Variants in HHLA2 observed in about 807,000 individuals in gnomAD.
The protein encoded by HHLA2 is HERV-H LTR-associating protein 2.
Under a neutral mutation model 45.9 loss-of-function variants are expected in HHLA2, and 48 were observed. That is an observed-to-expected ratio of 1.05 (90% CI 0.83 to 1.33). The LOEUF is 1.33. Ranked by LOEUF, HHLA2 falls within the 40% of genes most tolerant of loss-of-function variation. HHLA2 has a pLI of 0.00. For missense variants in HHLA2, 462 were observed against 494.3 expected, an observed-to-expected ratio of 0.93 and a Z score of 0.62; for synonymous variants, 161 against 173.9, an observed-to-expected ratio of 0.93 and a Z score of 0.59.
intron 3 of HHLA2, among the ~76,000 whole-genome samples, chr3:108,337,810 A>G (rs1050612738): frequency 6.6e-6 from 1 of 152,066 alleles, no homozygotes; most frequent in Non-Finnish European, 1.5e-5. Flanking sequence ...GTGCTTGGTC[A>G]TTCTTCCTTG....
At chr3:108,303,827 T>C (rs1310571457) in intron 1 of HHLA2, among the ~76,000 whole-genome samples, 2 of 152,162 alleles carry the variant, frequency 1.3e-5, no homozygotes, top group Admixed American at 1.3e-4. Context: ...GATTTTTTTT[T>C]CTCATTTTGT....
rs150776092 is a variant in HHLA2 at position 108,364,074 on chromosome 3, T to C, written c.1108+1628T>C. On this transcript the variant is annotated intron_variant, in intron 8 of 10. Coordinates refer to ENST00000619531, the Ensembl canonical transcript of HHLA2. ...ATGTGCCCTGGTGGTTTGCTGCACC[T>C]ATCAACCTGTCATCTAGGTTTTAAG... Among the ~76,000 whole-genome samples, 416 of 152,152 alleles carry C rather than the reference T, an allele frequency of 2.7e-3. 3 individuals are homozygous for C. The highest frequency in any genetic ancestry group is 9.6e-3 in the African/African-American group (399 of 41,518).
intron 1 of HHLA2, among the ~76,000 whole-genome samples, chr3:108,297,897 G>A (rs2080788916): frequency 6.6e-6 from 1 of 152,212 alleles, no homozygotes; most frequent in African/African-American, 2.4e-5. Context: ...AGGTCACGTA[G>A]TACAGCATTA....
Position 108,358,447 on chromosome 3 carries a change from C to T in HHLA2, c.1003+286C>T, listed in dbSNP as rs115563078. ...GATGACTCCATGCGCTGAGCATCTTCCATTTCTGCTCACTGCTGTGCCTAA... is the reference window on the plus strand; with the variant it reads ...GATGACTCCATGCGCTGAGCATCTTTCATTTCTGCTCACTGCTGTGCCTAA... On this transcript the variant is annotated intron_variant, in intron 7 of 10. Coordinates refer to ENST00000619531, the Ensembl canonical transcript of HHLA2. 9.5e-3 allele frequency among the ~76,000 whole-genome samples: 1,444 copies of T among 152,220 alleles called. 17 individuals carry two copies. Among genetic ancestry groups the T allele is most frequent in the African/African-American group, 0.032 (1,345 of 41,530 alleles).
exon 11 of HHLA2, chr3:108,377,575 A>T (rs2082296121): frequency 3.1e-6 from 1 of 324,070 alleles, no homozygotes; most frequent in Non-Finnish European, 5.8e-6. Flanking sequence ...TCAGCCCAGG[A>T]GGTTACAGTG....
rs1374126810 is a variant in HHLA2, at chr3:108,319,715, G to A, written c.-104-8555G>A. Among the ~76,000 whole-genome samples the A allele has an allele frequency of 2.0e-5, 3 of 152,214 alleles. No homozygotes were observed. In the East Asian group the frequency reaches 5.8e-4, roughly 29 times the overall value. Reference sequence around the variant, plus strand: ...CTATCATACTCCTATTAATGCAAGAGCAGATGTGCTTGTACATTTTTCCAA... The same window carrying A: ...CTATCATACTCCTATTAATGCAAGAACAGATGTGCTTGTACATTTTTCCAA... On this transcript the variant is annotated intron_variant, in intron 2 of 10. Coordinates refer to ENST00000619531, the Ensembl canonical transcript of HHLA2.
intron 3 of HHLA2, among the ~76,000 whole-genome samples, chr3:108,334,625 C>CA (rs1485751771): frequency 6.6e-6 from 1 of 152,202 alleles, no homozygotes; most frequent in Non-Finnish European, 1.5e-5. Context: ...TTATATCCCA[C>CA]AAGGCCTATT....
chr3:108,376,874 A>G, intron 10 of HHLA2: 1 of 342,826 alleles, frequency 2.9e-6, no homozygotes. Context: ...GAAGCATGAA[A>G]CATGGGATTG....
At chr3:108,300,613 T>TG (rs1229695439) in intron 1 of HHLA2, among the ~76,000 whole-genome samples, 4 of 152,126 alleles carry the variant, frequency 2.6e-5, no homozygotes, top group Non-Finnish European at 5.9e-5. Context: ...AGGTCAGGCC[T>TG]GAAACATCTA....
chr3:108,357,881 C>G, exon 7 of HHLA2: 1 of 1,613,278 alleles, frequency 6.2e-7, no homozygotes, highest in Non-Finnish European at 8.5e-7. Context: ...ACGTTTCACT[C>G]TCATGTCAAC....
At chr3:108,364,039 A>G (rs1338338619) in intron 8 of HHLA2, among the ~76,000 whole-genome samples, 1 of 151,566 alleles carries the variant, frequency 6.6e-6, no homozygotes, top group Non-Finnish European at 1.5e-5. Context: ...GGTTTGTTAC[A>G]TAGGTATACA....
At chr3:108,321,942 T>C (rs2107347613) in intron 2 of HHLA2, among the ~76,000 whole-genome samples, 1 of 152,334 alleles carries the variant, frequency 6.6e-6, no homozygotes, top group Admixed American at 6.5e-5. Context: ...ATTCTGTTCC[T>C]TTTTTATGAA....
At chr3:108,307,181 A>G (rs186951823) in intron 1 of HHLA2, among the ~76,000 whole-genome samples, 166 of 152,220 alleles carry the variant, frequency 1.1e-3, no homozygotes, top group African/African-American at 3.9e-3. Flanking sequence ...GCTTACCTTT[A>G]TTCCTTTTTA....
At chr3:108,323,667 A>C (rs759515593) in intron 2 of HHLA2, among the ~76,000 whole-genome samples, 4 of 152,176 alleles carry the variant, frequency 2.6e-5, no homozygotes, top group African/African-American at 4.8e-5. Context: ...ATTCTGGTCT[A>C]AACTACTTGT....
chr3:108,359,270 G>A (rs1261517048), intron 7 of HHLA2, among the ~76,000 whole-genome samples: 1 of 151,840 alleles, frequency 6.6e-6, no homozygotes, highest in African/African-American at 2.4e-5. Context: ...CACACAAAGT[G>A]AAACATCAGG....
chr3:108,318,311 T>C (rs1019740458), intron 2 of HHLA2, among the ~76,000 whole-genome samples: 1 of 152,190 alleles, frequency 6.6e-6, no homozygotes, highest in Admixed American at 6.5e-5. Context: ...TAACTTTTCA[T>C]GGAGGGTATA....
rs866826728 is a variant in HHLA2 at position 108,308,069 on chromosome 3, A to T, written c.-191-2586A>T. On this transcript the variant is annotated intron_variant, in intron 1 of 10. Transcript: ENST00000619531. ...AATGTGCAATTATGTTATTGATTAT[A>T]GTCACTCTGTTGTGCTACCACATAA... Among the ~76,000 whole-genome samples the T allele has an allele frequency of 3.4e-4, 52 of 152,318 alleles. No individual in the cohort carries two copies. The Middle Eastern group carries it at 0.01, about 30-fold the overall frequency.
chr3:108,375,935 C>A, intron 9 of HHLA2, 135 bp downstream of exon 8: 1 of 1,204,010 alleles, frequency 8.3e-7, no homozygotes, highest in Non-Finnish European at 1.1e-6. Flanking sequence ...GTGAGATGGG[C>A]TGAAAATATA....
At chr3:108,354,766 A>C (rs1392751229) in intron 5 of HHLA2, among the ~76,000 whole-genome samples, 1 of 152,140 alleles carries the variant, frequency 6.6e-6, no homozygotes, top group African/African-American at 2.4e-5. Flanking sequence ...GTATTTGAGG[A>C]GTGTAGAGTG....
Sources: gnomAD v4.1 joint callset for allele counts (sites outside exome capture counted in the v4.1 genomes callset) on GRCh38, gnomAD v4.1.1 for gene constraint, MANE v1.5 for transcripts, NCBI Gene and HGNC (gene_info 2026-07-23, HGNC 2026-07-21) for gene names.